AFAP1: variants seen among roughly 807,000 people sequenced by gnomAD.
The protein encoded by AFAP1 is actin filament-associated protein 1.
Under a neutral mutation model 93.9 loss-of-function variants are expected in AFAP1, and 75 were observed. The observed-to-expected ratio is 0.80, with a 90% CI of 0.66 to 0.97. The LOEUF is 0.97. Among genes scored for constraint, AFAP1 ranks in the 50% least tolerant of loss-of-function variants. AFAP1 has a pLI of 0.00. For missense variants in AFAP1, 1,201 were observed against 1,050.8 expected (o/e 1.14, Z -1.98); for synonymous variants, 517 against 430.7 (o/e 1.20, Z -2.48).
chr4:7,797,527 G>A (rs932145862), intron 10 of AFAP1, among the ~76,000 whole-genome samples: 4 of 152,200 alleles, frequency 2.6e-5, no homozygotes, highest in African/African-American at 4.8e-5. Flanking sequence ...AACAGCAGAC[G>A]CGCCCAAACC....
At chr4:7,885,837 A>C (rs975264606) in intron 1 of AFAP1, among the ~76,000 whole-genome samples, 1 of 152,176 alleles carries the variant, frequency 6.6e-6, no homozygotes, top group African/African-American at 2.4e-5. Flanking sequence ...TTTCTCGAGC[A>C]AGTTGATCAC....
At chr4:7,933,604 T>G (rs1281762991) in intron 1 of AFAP1, among the ~76,000 whole-genome samples, 1 of 152,136 alleles carries the variant, frequency 6.6e-6, no homozygotes, top group Non-Finnish European at 1.5e-5. Context: ...GGTATAGAAC[T>G]TTCTCTGAGT....
intron 1 of AFAP1, among the ~76,000 whole-genome samples, chr4:7,899,854 T>TAAA (rs1719011934): frequency 9.9e-6 from 1 of 101,258 alleles, no homozygotes; most frequent in Non-Finnish European, 2.3e-5. Context: ...GTTGTGCTCT[T>TAAA]TAAAAATAAA....
intron 1 of AFAP1, among the ~76,000 whole-genome samples, chr4:7,900,219 C>A (rs1326772130): frequency 2.0e-5 from 3 of 152,174 alleles, no homozygotes; most frequent in Admixed American, 6.5e-5. Flanking sequence ...GGAACTGTGA[C>A]AGAGGAGGCC....
rs774953756 is a variant in AFAP1, at chr4:7,774,909, G to A, written c.1898-6C>T. ...ATACTTGTACTGGGCAGCATCTTGA[G>A]AAGAAAAAAAAGCAGCAATTAAAAA... On this transcript the variant is annotated splice_region_variant and splice_polypyrimidine_tract_variant and intron_variant, in intron 14 of 17. Transcript: ENST00000420658. 4.9e-5 allele frequency: 78 copies of A among 1,594,036 alleles called. No homozygotes were observed. The highest frequency in any genetic ancestry group is 5.6e-5 in the Admixed American group (3 of 54,012).
intron 6 of AFAP1, among the ~76,000 whole-genome samples, chr4:7,832,357 C>G (rs1711731314): frequency 6.6e-6 from 1 of 152,030 alleles, no homozygotes; most frequent in African/African-American, 2.4e-5. Context: ...TCTGTGTGTC[C>G]TGAGCAGCTG....
intron 1 of AFAP1, among the ~76,000 whole-genome samples, chr4:7,873,973 C>T (rs777860480): frequency 1.3e-5 from 2 of 152,188 alleles, no homozygotes; most frequent in Non-Finnish European, 2.9e-5. Context: ...ATTTTTGAAA[C>T]TTTGTATCCA....
chr4:7,810,921 C>T (rs1316322591), intron 8 of AFAP1, among the ~76,000 whole-genome samples: 4 of 152,234 alleles, frequency 2.6e-5, no homozygotes, highest in Admixed American at 6.5e-5. Context: ...TCTCCACTGC[C>T]GAGGGCTCTG....
intron 1 of AFAP1, among the ~76,000 whole-genome samples, chr4:7,915,739 C>A (rs1353407523): frequency 1.3e-5 from 2 of 152,266 alleles, no homozygotes; most frequent in Non-Finnish European, 2.9e-5. Flanking sequence ...GGAGAACCCC[C>A]ACAAAACCAC....
chr4:7,879,421 C>A (rs1560216925), intron 1 of AFAP1, among the ~76,000 whole-genome samples: 1 of 152,158 alleles, frequency 6.6e-6, no homozygotes, highest in Non-Finnish European at 1.5e-5. Context: ...GACACCCCAG[C>A]CCCGACACCT....
chr4:7,898,743 T>A (rs1269254466), intron 1 of AFAP1, among the ~76,000 whole-genome samples: 1 of 150,626 alleles, frequency 6.6e-6, no homozygotes, highest in Non-Finnish European at 1.5e-5. Flanking sequence ...ACTAAGCACA[T>A]CTATTTTTTC....
intron 9 of AFAP1, 148 bp downstream of exon 9, chr4:7,809,466 A>G: frequency 1.1e-6 from 1 of 913,462 alleles, no homozygotes; most frequent in Non-Finnish European, 1.6e-6. Context: ...AACATTTAAT[A>G]CATTTCCCAC....
intron 1 of AFAP1, among the ~76,000 whole-genome samples, chr4:7,937,599 G>A (rs1189732626): frequency 6.6e-6 from 1 of 152,120 alleles, no homozygotes; most frequent in Non-Finnish European, 1.5e-5. Context: ...CTATTCTCCT[G>A]CCTCAGCCTC....
chr4:7,930,319 A>G lies in AFAP1; in HGVS notation c.-3+9337T>C, dbSNP rs146227456. ...CAGAAGCTCTCCAAACCCAATATTT[A>G]GAGGGTTTTATGGAGTTTTCATAAC... On this transcript the variant is annotated intron_variant, in intron 1 of 17. Transcript: ENST00000420658. Among the ~76,000 whole-genome samples, 50 of 151,702 alleles carry G rather than the reference A, an allele frequency of 3.3e-4. No individual in the cohort carries two copies. The East Asian group carries it at 9.0e-3, about 27-fold the overall frequency.
chr4:7,828,813 C>T (rs1721652237), intron 6 of AFAP1, among the ~76,000 whole-genome samples: 1 of 152,190 alleles, frequency 6.6e-6, no homozygotes, highest in Non-Finnish European at 1.5e-5. Context: ...ACAGCTAGGG[C>T]TCAGGTCATA....
intron 11 of AFAP1, among the ~76,000 whole-genome samples, chr4:7,793,117 G>A (rs2149009455): frequency 6.6e-6 from 1 of 152,060 alleles, no homozygotes. Flanking sequence ...TTATGTTAAA[G>A]AAATATTCAC....
chr4:7,765,745 C>T (rs755199296), intron 17 of AFAP1, among the ~76,000 whole-genome samples: 9 of 152,216 alleles, frequency 5.9e-5, no homozygotes, highest in South Asian at 4.1e-4. Context: ...AAGGCACAGA[C>T]GCCAGGGCCA....
chr4:7,907,448 C>G (rs942305621), intron 1 of AFAP1, among the ~76,000 whole-genome samples: 2 of 152,118 alleles, frequency 1.3e-5, no homozygotes, highest in Non-Finnish European at 2.9e-5. Flanking sequence ...ATCAGATGGC[C>G]CAACCCCTTC....
At chr4:7,833,926 TCAATCAGG>T (rs538238892) in intron 6 of AFAP1, among the ~76,000 whole-genome samples, 122 of 152,144 alleles carry the variant, frequency 8.0e-4, no homozygotes, top group African/African-American at 2.7e-3. Context: ...GAAGCACCAT[TCAATCAGG>T]CAATCCCACT....
Sources: allele counts gnomAD v4.1 joint callset (sites outside exome capture counted in the v4.1 genomes callset), GRCh38; gene constraint gnomAD v4.1.1; transcripts MANE v1.5; gene names NCBI Gene and HGNC (gene_info 2026-07-23, HGNC 2026-07-21).